The following TRPC5 variants were observed in gnomAD, a reference collection of about 807,000 sequenced individuals.
The protein encoded by TRPC5 is transient receptor potential cation channel subfamily C member 5.
TRPC5 carries 9 observed loss-of-function variants against 56.5 expected under a neutral mutation model. That is an observed-to-expected ratio of 0.16 (90% CI 0.10 to 0.28). The LOEUF is 0.28. TRPC5 is among the 10% of genes least tolerant of loss of function. The pLI is 1.00. For synonymous variants in TRPC5, 282 were observed against 278.5 expected, an observed-to-expected ratio of 1.01 and a Z score of -0.13; for missense variants, 469 against 748.9, an observed-to-expected ratio of 0.63 and a Z score of 4.36.
At chrX:111,886,547 G>A (rs1569527389) in intron 3 of TRPC5, among the ~76,000 whole-genome samples, 1 of 111,747 alleles carries the variant, frequency 8.9e-6, no homozygotes, top group Admixed American at 9.5e-5. Flanking sequence ...AGTTGACTTA[G>A]TAGGGTCAAG....
At chrX:111,973,499 G>C (rs996764377) in intron 1 of TRPC5, among the ~76,000 whole-genome samples, 10 of 111,532 alleles carry the variant, frequency 9.0e-5, no homozygotes, top group Non-Finnish European at 1.7e-4. Flanking sequence ...ATATTTGTTA[G>C]GGTAGCTTAA....
chrX:111,892,898 A>G (rs965475747), intron 3 of TRPC5, among the ~76,000 whole-genome samples: 9 of 111,519 alleles, frequency 8.1e-5, no homozygotes, highest in Non-Finnish European at 1.7e-4. Context: ...GTGCAATTAT[A>G]TCAGCTAGCA....
intron 1 of TRPC5, among the ~76,000 whole-genome samples, chrX:112,074,634 T>C (rs188083596): frequency 8.9e-6 from 1 of 111,778 alleles, no homozygotes; most frequent in East Asian, 2.8e-4. Context: ...CCTGCCTGTT[T>C]CCATGAATGG....
intron 1 of TRPC5, among the ~76,000 whole-genome samples, chrX:111,976,875 AT>A (rs1927944114): frequency 1.8e-5 from 2 of 110,876 alleles, no homozygotes; most frequent in South Asian, 3.8e-4. Flanking sequence ...AAAAAAAAAA[AT>A]CCCATTTACA....
intron 7 of TRPC5, among the ~76,000 whole-genome samples, chrX:111,795,437 A>G (rs1369297307): frequency 5.4e-5 from 6 of 110,945 alleles, no homozygotes; most frequent in African/African-American, 1.6e-4. Context: ...AACTGTTAAT[A>G]TGATTGGTTA....
chrX:111,876,140 C>T (rs969685081), intron 3 of TRPC5: 10 of 110,719 alleles, frequency 9.0e-5, no homozygotes, highest in Admixed American at 1.9e-4. Context: ...ATTATGTAGA[C>T]GGAAGAGGAG....
At chrX:112,031,554 A>G (rs1218232642) in intron 1 of TRPC5, among the ~76,000 whole-genome samples, 14 of 111,606 alleles carry the variant, frequency 1.3e-4, no homozygotes, top group African/African-American at 3.9e-4. Flanking sequence ...AAAAATAAAC[A>G]TTTAAAATAC....
chrX:112,016,414 A>G (rs1197875351), intron 1 of TRPC5, among the ~76,000 whole-genome samples: 4 of 110,139 alleles, frequency 3.6e-5, no homozygotes, highest in African/African-American at 1.3e-4. Flanking sequence ...TGGCCCAACA[A>G]TATCAACTTT....
At chrX:112,019,573 C>T (rs919929421) in intron 1 of TRPC5, among the ~76,000 whole-genome samples, 2 of 110,996 alleles carry the variant, frequency 1.8e-5, no homozygotes, top group African/African-American at 6.6e-5. Context: ...CTAGCCAGGA[C>T]TACAGGCGCC....
At position 111,968,353 on chromosome X, in the gene TRPC5, A is replaced by T. The variant is rs57102323; in HGVS notation, c.-21-15912T>A. Among the ~76,000 whole-genome samples, 24 of 111,834 alleles carry T rather than the reference A, an allele frequency of 2.1e-4. 1 individual carries two copies. The East Asian group carries it at 6.8e-3, about 32-fold the overall frequency. The stretch of plus-strand genomic sequence containing the variant: ...GGTGCTGGAAAGCATGTGGAGAAAT[A>T]GGAACACTTTTACACTGTTGGTGGG... On this transcript the variant is annotated intron_variant, in intron 1 of 10. Transcript: ENST00000262839.
intron 1 of TRPC5, among the ~76,000 whole-genome samples, chrX:111,960,003 C>G (rs909959506): frequency 9.0e-6 from 1 of 111,715 alleles, no homozygotes; most frequent in Admixed American, 9.5e-5. Context: ...TAGCCACTAG[C>G]CACAAGTGGC....
chrX:111,882,826 C>T (rs1924290386), intron 3 of TRPC5, among the ~76,000 whole-genome samples: 1 of 112,308 alleles, frequency 8.9e-6, no homozygotes, highest in Admixed American at 9.4e-5. Flanking sequence ...TGGCTCATGC[C>T]TGTAATCCCA....
intron 7 of TRPC5, among the ~76,000 whole-genome samples, chrX:111,783,337 T>C (rs1945935795): frequency 8.9e-6 from 1 of 111,781 alleles, no homozygotes; most frequent in Admixed American, 9.6e-5. Flanking sequence ...TATTGCTGGA[T>C]TGTGTGTTAA....
At chrX:112,052,253 G>A (rs1930232533) in intron 1 of TRPC5, among the ~76,000 whole-genome samples, 1 of 109,957 alleles carries the variant, frequency 9.1e-6, no homozygotes, top group Non-Finnish European at 1.9e-5. Flanking sequence ...AGCACATAAG[G>A]GATCCAATAT....
chrX:111,901,649 T>G (rs977497330), intron 3 of TRPC5: 1 of 339,451 alleles, frequency 2.9e-6, no homozygotes, highest in African/African-American at 2.7e-5. Context: ...TGTGCGCGGT[T>G]TACCAACATC....
At chrX:111,800,089 A>G (rs1369468468) in intron 7 of TRPC5, among the ~76,000 whole-genome samples, 2 of 111,100 alleles carry the variant, frequency 1.8e-5, no homozygotes, top group African/African-American at 6.6e-5. Context: ...TTTTACAGAA[A>G]TGAAAAAGCA....
intron 3 of TRPC5, among the ~76,000 whole-genome samples, chrX:111,909,603 G>A (rs188099079): frequency 9.0e-6 from 1 of 110,808 alleles, no homozygotes; most frequent in Admixed American, 9.7e-5. Context: ...AATGTACACA[G>A]GAATGGACCC....
chrX:112,037,075 A>C (rs1929763347), intron 1 of TRPC5, among the ~76,000 whole-genome samples: 1 of 111,997 alleles, frequency 8.9e-6, no homozygotes, highest in Non-Finnish European at 1.9e-5. Context: ...ATTGCTTTCA[A>C]TGATGCATTT....
chrX:112,058,716 G>A (rs1165797234), intron 1 of TRPC5, among the ~76,000 whole-genome samples: 1 of 111,847 alleles, frequency 8.9e-6, no homozygotes, highest in East Asian at 2.8e-4. Context: ...ACTTGCTTAA[G>A]ATTTCTTCAA....
Sources: gnomAD v4.1 joint callset for allele counts (sites outside exome capture counted in the v4.1 genomes callset) on GRCh38, gnomAD v4.1.1 for gene constraint, MANE v1.5 for transcripts, NCBI Gene and HGNC (gene_info 2026-07-23, HGNC 2026-07-21) for gene names.